The following COPG2 variants were observed in gnomAD, a reference collection of about 807,000 sequenced individuals.
COPG2 encodes the protein coatomer subunit gamma-2.
A neutral mutation model predicts 46.3 loss-of-function variants in COPG2; 37 were observed. That is an observed-to-expected ratio of 0.80 (90% confidence interval 0.61 to 1.05). The LOEUF (loss-of-function observed/expected upper bound fraction) is 1.05, where lower values mean the gene tolerates loss of function less well. Among genes scored for constraint, COPG2 ranks in the 50% least tolerant of loss-of-function variants. The pLI is 0.00. For synonymous variants in COPG2, 159 were observed against 129.7 expected (o/e 1.23, Z -1.53); for missense variants, 427 against 387.8 (o/e 1.10, Z -0.85).
intron 3 of COPG2, among the ~76,000 whole-genome samples, chr7:130,664,851 T>G (rs1796042932): frequency 6.6e-6 from 1 of 152,194 alleles, no homozygotes; most frequent in Admixed American, 6.5e-5. Context: ...ACAGAGGGAT[T>G]ATGTTGTTTG....
chr7:130,526,709 A>G (rs1191996170), intron 20 of COPG2, among the ~76,000 whole-genome samples: 1 of 151,678 alleles, frequency 6.6e-6, no homozygotes, highest in African/African-American at 2.4e-5. Flanking sequence ...GGGAAAGTAT[A>G]AGAGGGGTGG....
chr7:130,527,173 G>A (rs1254187942), intron 20 of COPG2, among the ~76,000 whole-genome samples: 1 of 151,740 alleles, frequency 6.6e-6, no homozygotes, highest in Non-Finnish European at 1.5e-5. Context: ...ACACCTGACA[G>A]TCATATGGGT....
intron 9 of COPG2, among the ~76,000 whole-genome samples, chr7:130,567,457 A>G (rs1793823027): frequency 1.3e-5 from 2 of 152,228 alleles, no homozygotes; most frequent in Admixed American, 1.3e-4. Context: ...AAGAAGCTCA[A>G]AGAACAGCCA....
intron 9 of COPG2, among the ~76,000 whole-genome samples, chr7:130,585,888 C>A (rs2116449216): frequency 6.6e-6 from 1 of 152,136 alleles, no homozygotes; most frequent in South Asian, 2.1e-4. Context: ...ACTAGTACAA[C>A]CACTATAGAA....
At chr7:130,643,377 A>G (rs1357768291) in intron 5 of COPG2, among the ~76,000 whole-genome samples, 7 of 152,186 alleles carry the variant, frequency 4.6e-5, no homozygotes, top group Non-Finnish European at 1.0e-4. Flanking sequence ...TAAAGTGATG[A>G]TACCAGTCAT....
intron 5 of COPG2, among the ~76,000 whole-genome samples, chr7:130,639,636 GT>G (rs1476353277): frequency 6.6e-6 from 1 of 152,224 alleles, no homozygotes; most frequent in African/African-American, 2.4e-5. Flanking sequence ...AACCCAGTTA[GT>G]TTCAGATTAC....
chr7:130,565,655 C>G (rs1793790470), intron 9 of COPG2, among the ~76,000 whole-genome samples: 1 of 151,826 alleles, frequency 6.6e-6, no homozygotes, highest in South Asian at 2.1e-4. Context: ...TAAATATGTT[C>G]AAAGAACTAA....
At chr7:130,618,217 T>G (rs1794983027) in intron 5 of COPG2, among the ~76,000 whole-genome samples, 1 of 152,006 alleles carries the variant, frequency 6.6e-6, no homozygotes, top group African/African-American at 2.4e-5. Context: ...AAGCTTGGTT[T>G]TCCGGATTTC....
At chr7:130,536,613 G>C (rs956784111) in intron 20 of COPG2, among the ~76,000 whole-genome samples, 251 of 152,306 alleles carry the variant, frequency 1.6e-3, no homozygotes, top group African/African-American at 5.9e-3. Flanking sequence ...TGGAGAGCCG[G>C]ACAGACATGT....
At chr7:130,667,411 C>T (rs371348034) in intron 2 of COPG2, 71 bp downstream of exon 2, 1 of 1,248,952 alleles carries the variant, frequency 8.0e-7, no homozygotes, top group East Asian at 2.3e-5. Flanking sequence ...TCACAGCAGC[C>T]CAGGGATTCT....
At position 130,579,966 on chromosome 7, in the gene COPG2, A is replaced by AC. The variant is rs1554446860; in HGVS notation, c.738-15574_738-15573insG. ...CAGAAAGTCAACAAGGATACCCAGG[A>AC]ATTGAACTCAGCTCTGCACCAAGTG... On this transcript the variant is annotated intron_variant, in intron 9 of 23. Transcript: ENST00000425248. Among the ~76,000 whole-genome samples, 5 of 151,560 alleles carry AC rather than the reference A, an allele frequency of 3.3e-5. No individual in the cohort carries two copies. In the East Asian group the frequency reaches 9.7e-4, roughly 30 times the overall value.
intron 9 of COPG2, among the ~76,000 whole-genome samples, chr7:130,585,587 A>T (rs1245707556): frequency 3.3e-5 from 5 of 152,120 alleles, no homozygotes; most frequent in African/African-American, 9.7e-5. Flanking sequence ...AAGGACTAAT[A>T]TCCAGAATCT....
chr7:130,628,356 T>C (rs1795158425), intron 5 of COPG2, among the ~76,000 whole-genome samples: 1 of 152,148 alleles, frequency 6.6e-6, no homozygotes, highest in East Asian at 1.9e-4. Context: ...TAGTTTATTG[T>C]TTATACTTCT....
chr7:130,542,992 A>G (rs1253225640), intron 20 of COPG2, among the ~76,000 whole-genome samples: 1 of 152,144 alleles, frequency 6.6e-6, no homozygotes, highest in Non-Finnish European at 1.5e-5. Flanking sequence ...CGAGTGGGGT[A>G]ACAACACTTT....
chr7:130,640,945 C>T (rs1276256116), intron 5 of COPG2, among the ~76,000 whole-genome samples: 2 of 151,858 alleles, frequency 1.3e-5, no homozygotes, highest in African/African-American at 4.8e-5. Context: ...GTTTCTTTCT[C>T]TCAAAGAATT....
At chr7:130,584,966 A>G (rs544231677) in intron 9 of COPG2, among the ~76,000 whole-genome samples, 1 of 151,936 alleles carries the variant, frequency 6.6e-6, no homozygotes, top group Non-Finnish European at 1.5e-5. Flanking sequence ...TAGAAAAAAA[A>G]ATTCTAAAAT....
chr7:130,532,550 T>C (rs993884088), intron 20 of COPG2, among the ~76,000 whole-genome samples: 2 of 151,140 alleles, frequency 1.3e-5, no homozygotes, highest in Non-Finnish European at 3.0e-5. Context: ...ACTGGGTGCA[T>C]TTGTGTGGAT....
intron 9 of COPG2, among the ~76,000 whole-genome samples, chr7:130,573,233 T>G (rs1164974029): frequency 2.0e-5 from 3 of 147,588 alleles, no homozygotes; most frequent in Admixed American, 6.7e-5. Context: ...AAACCACAGA[T>G]CCAGATGGTC....
In COPG2 at chr7:130,661,985, C is replaced by G. The variant is rs566025646; in HGVS notation, c.243+982G>C. Among the ~76,000 whole-genome samples, 4 of 152,186 alleles carry G rather than the reference C, an allele frequency of 2.6e-5. No homozygotes were observed. The East Asian group carries it at 7.7e-4, about 29-fold the overall frequency. ...TTGAATTCACACTCTTGCAGGACAT[C>G]TTATGTTAAAGTTAGGACCTTGACT... On this transcript the variant is annotated intron_variant, in intron 4 of 23. Coordinates refer to ENST00000425248, the MANE Select transcript of COPG2 (RefSeq NM_012133.6).
Sources: gnomAD v4.1 joint callset for allele counts (sites outside exome capture counted in the v4.1 genomes callset) on GRCh38, gnomAD v4.1.1 for gene constraint, MANE v1.5 for transcripts, NCBI Gene and HGNC (gene_info 2026-07-23, HGNC 2026-07-21) for gene names.